Variants in EYA1 observed in about 807,000 individuals in gnomAD.
EYA1 encodes protein phosphatase EYA1.
A neutral mutation model predicts 82.0 loss-of-function variants in EYA1; 16 were observed. The observed-to-expected ratio is 0.20, with a 90% confidence interval of 0.13 to 0.30. The LOEUF (loss-of-function observed/expected upper bound fraction) is 0.30. Among genes scored for constraint, EYA1 ranks in the 10% least tolerant of loss-of-function variants. The probability of loss-of-function intolerance (pLI) is 1.00; values close to 1 mark genes in which losing one functional copy is unlikely to be tolerated. For missense variants in EYA1, 633 were observed against 730.7 expected (o/e 0.87, Z 1.54); for synonymous variants, 261 against 264.4 (o/e 0.99, Z 0.12).
chr8:71,305,254 A>G (rs1820599108), intron 7 of EYA1, among the ~76,000 whole-genome samples: 1 of 143,284 alleles, frequency 7.0e-6, no homozygotes, highest in Non-Finnish European at 1.6e-5. Context: ...GAGCCGCTAC[A>G]TCCTATAATG....
At chr8:71,374,979 AG>A (rs1563547857) in intron 2 of EYA1, among the ~76,000 whole-genome samples, 1 of 152,168 alleles carries the variant, frequency 6.6e-6, no homozygotes, top group South Asian at 2.1e-4. Context: ...TGTGGTTACC[AG>A]GGGCAAGGGA....
intron 17 of EYA1, among the ~76,000 whole-genome samples, chr8:71,204,488 G>A (rs1039734032): frequency 6.6e-5 from 10 of 152,182 alleles, no homozygotes; most frequent in South Asian, 4.1e-4. Flanking sequence ...TGCATGAACT[G>A]CAGAACTGTT....
chr8:71,323,085 A>C (rs1399279201), intron 4 of EYA1, among the ~76,000 whole-genome samples: 1 of 152,188 alleles, frequency 6.6e-6, no homozygotes, highest in Admixed American at 6.5e-5. Context: ...TATGTTAACA[A>C]AGTCCTGAAA....
rs548242525 is a variant in EYA1 at position 71,452,070 on chromosome 8, C to T, written c.33+83674G>A. ...CCTGGAAAATCAGGTCACTCCCACC[C>T]TAATACTGCACTTCTCCAATGGCCT... On this transcript the variant is annotated intron_variant, in intron 2 of 18. Coordinates refer to the EYA1 transcript ENST00000643681. 2.6e-5 allele frequency among the ~76,000 whole-genome samples: 4 copies of T among 152,346 alleles called. No homozygotes were observed. In the South Asian group the frequency reaches 6.2e-4, roughly 24 times the overall value.
At chr8:71,493,798 C>A (rs938655474) in intron 2 of EYA1, among the ~76,000 whole-genome samples, 4 of 150,266 alleles carry the variant, frequency 2.7e-5, no homozygotes, top group Non-Finnish European at 5.9e-5. Flanking sequence ...CCGAGGCGGG[C>A]GGATCACGAG....
chr8:71,473,642 C>A (rs577530793), intron 2 of EYA1, among the ~76,000 whole-genome samples: 1 of 152,094 alleles, frequency 6.6e-6, no homozygotes, highest in Non-Finnish European at 1.5e-5. Context: ...GACAGTGTGG[C>A]GATTCCTCAA....
At chr8:71,266,345 ACT>A (rs1283781266) in intron 11 of EYA1, among the ~76,000 whole-genome samples, 1 of 151,970 alleles carries the variant, frequency 6.6e-6, no homozygotes, top group Non-Finnish European at 1.5e-5. Context: ...ACTGCAAGAC[ACT>A]CTGATCAGCT....
chr8:71,361,573 G>C (rs1467740775), intron 1 of EYA1, 74 bp downstream of exon 1: 1 of 757,652 alleles, frequency 1.3e-6, no homozygotes, highest in Non-Finnish European at 1.6e-6. Flanking sequence ...AAGCGCTCCT[G>C]TTAGCTTGGG....
intron 2 of EYA1, among the ~76,000 whole-genome samples, chr8:71,471,276 AT>A (rs1809190139): frequency 6.6e-6 from 1 of 152,046 alleles, no homozygotes; most frequent in Admixed American, 6.6e-5. Flanking sequence ...TACAAAATTA[AT>A]GCAGGAATGA....
chr8:71,255,395 A>C (rs1012104091), intron 11 of EYA1, among the ~76,000 whole-genome samples: 1 of 152,236 alleles, frequency 6.6e-6, no homozygotes, highest in Non-Finnish European at 1.5e-5. Flanking sequence ...GCAAAAATAC[A>C]GATGTACAGA....
chr8:71,310,334 T>G (rs536695226), intron 7 of EYA1, among the ~76,000 whole-genome samples: 1 of 152,228 alleles, frequency 6.6e-6, no homozygotes, highest in Non-Finnish European at 1.5e-5. Flanking sequence ...TCATGGAGGT[T>G]TGGTGTACAG....
At chr8:71,298,417 C>G (rs1197095638) in intron 9 of EYA1, among the ~76,000 whole-genome samples, 2 of 152,034 alleles carry the variant, frequency 1.3e-5, no homozygotes, top group Non-Finnish European at 2.9e-5. Flanking sequence ...CAGGCAGACA[C>G]CATTAAGAGT....
chr8:71,539,975 G>A (rs970717654), intron 1 of EYA1, among the ~76,000 whole-genome samples: 1 of 152,216 alleles, frequency 6.6e-6, no homozygotes, highest in Admixed American at 6.5e-5. Context: ...GCCTTGGGAA[G>A]TTGGGCCACT....
At chr8:71,522,977 C>A (rs1054417393) in intron 2 of EYA1, among the ~76,000 whole-genome samples, 3 of 152,100 alleles carry the variant, frequency 2.0e-5, no homozygotes, top group African/African-American at 4.8e-5. Flanking sequence ...ATTATATTTT[C>A]ATTTTGTAGC....
intron 2 of EYA1, among the ~76,000 whole-genome samples, chr8:71,523,182 T>C (rs1032577903): frequency 2.1e-5 from 3 of 140,752 alleles, no homozygotes; most frequent in South Asian, 2.3e-4. Context: ...TCTTTTTCTT[T>C]TTTTTTTTTT....
chr8:71,400,886 C>A (rs1174581025), intron 2 of EYA1, among the ~76,000 whole-genome samples: 2 of 152,086 alleles, frequency 1.3e-5, no homozygotes, highest in Non-Finnish European at 2.9e-5. Context: ...GAAATCAACC[C>A]AAATGCCCAT....
intron 12 of EYA1, among the ~76,000 whole-genome samples, chr8:71,242,946 T>C (rs1812665343): frequency 7.0e-6 from 1 of 143,386 alleles, no homozygotes; most frequent in Admixed American, 6.9e-5. Context: ...CCCAGCTAAT[T>C]TTGTATTTTT....
At chr8:71,254,055 T>C (rs1406793306) in intron 11 of EYA1, among the ~76,000 whole-genome samples, 1 of 152,096 alleles carries the variant, frequency 6.6e-6, no homozygotes, top group Non-Finnish European at 1.5e-5. Context: ...CTGTGGTTCA[T>C]AAAACTTCCA....
chr8:71,389,377 A>C (rs898349977), intron 2 of EYA1, among the ~76,000 whole-genome samples: 7 of 152,164 alleles, frequency 4.6e-5, no homozygotes, highest in Admixed American at 3.9e-4. Flanking sequence ...TTATTAATTA[A>C]CAACAACAAA....
Sources: gnomAD v4.1 joint callset for allele counts (sites outside exome capture counted in the v4.1 genomes callset) on GRCh38, gnomAD v4.1.1 for gene constraint, MANE v1.5 for transcripts, NCBI Gene and HGNC (gene_info 2026-07-23, HGNC 2026-07-21) for gene names.